The following ARHGEF10 variants were observed in gnomAD, a reference collection of about 807,000 sequenced individuals.
The protein encoded by ARHGEF10 is Rho guanine nucleotide exchange factor (GEF) 10.
In ARHGEF10, 140 loss-of-function variants were observed where a neutral mutation model predicts 147.4. The observed-to-expected ratio is 0.95, with a 90% CI of 0.83 to 1.09. The LOEUF (loss-of-function observed/expected upper bound fraction) is 1.09, where lower values mean the gene tolerates loss of function less well. Among genes scored for constraint, ARHGEF10 ranks in the 50% least tolerant of loss-of-function variants. ARHGEF10 has a pLI of 0.00. For synonymous variants in ARHGEF10, 902 were observed against 695.8 expected, an observed-to-expected ratio of 1.30 and a Z score of -4.67; for missense variants, 2,222 against 1,752.7, an observed-to-expected ratio of 1.27 and a Z score of -4.78.
At chr8:1,838,465 C>T (rs1200993348) in intron 1 of ARHGEF10, among the ~76,000 whole-genome samples, 2 of 152,274 alleles carry the variant, frequency 1.3e-5, no homozygotes, top group Admixed American at 6.5e-5. Context: ...GAGAAGCCAT[C>T]CCTTTCTCTG....
At chr8:1,847,742 TA>T (rs1463627666) in intron 2 of ARHGEF10, among the ~76,000 whole-genome samples, 1 of 152,238 alleles carries the variant, frequency 6.6e-6, no homozygotes, top group African/African-American at 2.4e-5. Context: ...TGGTGCTTTT[TA>T]AAGGACTTTT....
At chr8:1,843,493 G>A (rs1231529609) in intron 2 of ARHGEF10, 57 bp downstream of exon 2, 3 of 1,385,196 alleles carry the variant, frequency 2.2e-6, no homozygotes, top group Admixed American at 1.7e-5. Context: ...CTCTCATCAA[G>A]GACGGGGTAC....
rs538542441 is a variant in ARHGEF10, at chr8:1,849,600, C to T, written c.37+6164C>T. On this transcript the variant is annotated intron_variant, in intron 2 of 28. Coordinates refer to ENST00000349830, the MANE Select transcript of ARHGEF10 (RefSeq NM_014629.4). ...GTGGGGCCAGCTGCGTGGACACAGA[C>T]GGCAAATGCTGAGGAGGGCGTGGGG... Among the ~76,000 whole-genome samples the T allele has an allele frequency of 1.1e-3, 124 of 112,056 alleles. 1 individual carries two copies. Among genetic ancestry groups the T allele is most frequent in the African/African-American group, 4.2e-3 (115 of 27,444 alleles). 73.5% of individuals were successfully genotyped at this position (112,056 alleles called of 152,430 possible).
intron 23 of ARHGEF10, among the ~76,000 whole-genome samples, chr8:1,927,888 C>T (rs1008268587): frequency 6.6e-6 from 1 of 152,188 alleles, no homozygotes; most frequent in Non-Finnish European, 1.5e-5. Context: ...TTGCAGTGAG[C>T]CAAGATCATG....
intron 7 of ARHGEF10, 63 bp from the exon 8 acceptor site, chr8:1,876,508 G>A: frequency 6.6e-7 from 1 of 1,524,100 alleles, no homozygotes; most frequent in Non-Finnish European, 9.1e-7. Flanking sequence ...ACCACAAACA[G>A]GCACAAAACA....
chr8:1,937,000 C>T (rs780685043), intron 26 of ARHGEF10, among the ~76,000 whole-genome samples: 43 of 152,030 alleles, frequency 2.8e-4, no homozygotes, highest in Non-Finnish European at 4.9e-4. Flanking sequence ...GGGTCCTGAG[C>T]CTCCTGGAGG....
intron 18 of ARHGEF10, among the ~76,000 whole-genome samples, chr8:1,917,601 G>T (rs1047094875): frequency 6.6e-6 from 1 of 152,138 alleles, no homozygotes; most frequent in African/African-American, 2.4e-5. Context: ...CAAGAGAAGC[G>T]TCCGTGAGAA....
At chr8:1,920,472 A>G (rs1006885279) in intron 18 of ARHGEF10, among the ~76,000 whole-genome samples, 1 of 149,688 alleles carries the variant, frequency 6.7e-6, no homozygotes, top group Non-Finnish European at 1.5e-5. Context: ...ACAGGCGCGC[A>G]TCACAATGCC....
intron 1 of ARHGEF10, among the ~76,000 whole-genome samples, chr8:1,833,394 GGGCAGA>G (rs139909462): frequency 0.48 from 63,771 of 134,096 alleles, 14,791 homozygotes; most frequent in Middle Eastern, 0.6. Flanking sequence ...GCAGCGACAG[GGGCAGA>G]GACAGAGACA....
At chr8:1,909,901 G>A (rs894318578) in intron 18 of ARHGEF10, among the ~76,000 whole-genome samples, 9 of 152,154 alleles carry the variant, frequency 5.9e-5, no homozygotes, top group Non-Finnish European at 1.3e-4. Context: ...GCTGGGCAGC[G>A]TTGTGATGTC....
chr8:1,851,296 G>A (rs941262950), intron 2 of ARHGEF10, among the ~76,000 whole-genome samples: 1 of 147,874 alleles, frequency 6.8e-6, no homozygotes, highest in Non-Finnish European at 1.5e-5. Flanking sequence ...CTCAGTGTTG[G>A]CTCCTCACAC....
rs183010238 is a variant in ARHGEF10 at position 1,925,225 on chromosome 8, G to T, written c.2489-58G>T. On this transcript the variant is annotated intron_variant, in intron 21 of 28. Coordinates refer to ENST00000349830, the MANE Select transcript of ARHGEF10 (RefSeq NM_014629.4). The stretch of plus-strand genomic sequence containing the variant: ...CCCTGCTATGACCTGTGGAGCTGCA[G>T]GTCTTTGCATGTGAGTTAACTGCAT... 1.6e-5 allele frequency: 26 copies of T among 1,611,998 alleles called. No individual in the cohort carries two copies. The African/African-American group carries it at 3.2e-4, about 20-fold the overall frequency.
At chr8:1,953,952 C>T (rs1016558494) in intron 28 of ARHGEF10, among the ~76,000 whole-genome samples, 1 of 152,190 alleles carries the variant, frequency 6.6e-6, no homozygotes, top group Non-Finnish European at 1.5e-5. Flanking sequence ...CTTCCGTGCA[C>T]TCAGATTTTG....
In ARHGEF10 at chr8:1,843,691, C is replaced by G. The variant is rs543775360; in HGVS notation, c.37+255C>G. On this transcript the variant is annotated intron_variant, in intron 2 of 28. Coordinates refer to ENST00000349830, the MANE Select transcript of ARHGEF10 (RefSeq NM_014629.4). ...GCTCTTGGGGACCTATGGTCAGCAT[C>G]TGAAATTCCCTTAAGATTCCCCTTA... Among the ~76,000 whole-genome samples the G allele has an allele frequency of 3.9e-5, 6 of 152,342 alleles. No individual in the cohort carries two copies. In the East Asian group the frequency reaches 1.2e-3, roughly 29 times the overall value.
In ARHGEF10 at chr8:1,846,547, T is replaced by C. The variant is rs184160515; in HGVS notation, c.37+3111T>C. On this transcript the variant is annotated intron_variant, in intron 2 of 28. Transcript: ENST00000349830. ...TCTGGTTTTTTTCCCCATATTTCTT[T>C]TCTACATAATTGTAGTCATTGAATA... Among the ~76,000 whole-genome samples the C allele has an allele frequency of 2.6e-5, 4 of 152,364 alleles. No individual in the cohort carries two copies. The East Asian group carries it at 7.7e-4, about 29-fold the overall frequency.
At chr8:1,911,744 C>T (rs981201010) in intron 18 of ARHGEF10, among the ~76,000 whole-genome samples, 1 of 152,136 alleles carries the variant, frequency 6.6e-6, no homozygotes, top group Non-Finnish European at 1.5e-5. Flanking sequence ...ACGCTGCAGC[C>T]GGTGAATGAC....
chr8:1,912,011 G>A (rs944355835), intron 18 of ARHGEF10, among the ~76,000 whole-genome samples: 1 of 152,194 alleles, frequency 6.6e-6, no homozygotes, highest in Admixed American at 6.5e-5. Flanking sequence ...TTGAATGACT[G>A]TTCTAAAATT....
chr8:1,890,716 G>A (rs1359251067), intron 11 of ARHGEF10, among the ~76,000 whole-genome samples: 2 of 152,056 alleles, frequency 1.3e-5, no homozygotes, highest in African/African-American at 2.4e-5. Flanking sequence ...TCCGTGGGGT[G>A]TCACTGGGTA....
intron 21 of ARHGEF10, among the ~76,000 whole-genome samples, chr8:1,924,407 G>C (rs185799846): frequency 1.1e-4 from 17 of 152,094 alleles, no homozygotes; most frequent in African/African-American, 3.6e-4. Flanking sequence ...TTTTTGCTCT[G>C]TGTGTGTGTG....
Sources: gnomAD v4.1 joint callset for allele counts (sites outside exome capture counted in the v4.1 genomes callset) on GRCh38, gnomAD v4.1.1 for gene constraint, MANE v1.5 for transcripts, NCBI Gene and HGNC (gene_info 2026-07-23, HGNC 2026-07-21) for gene names.